Variants in PRELID2 observed in about 807,000 individuals in gnomAD.
The protein encoded by PRELID2 is PRELI domain-containing protein 2.
PRELID2 carries 25 observed loss-of-function variants against 28.4 expected under a neutral mutation model. That is an observed-to-expected ratio of 0.88 (90% CI 0.64 to 1.23). The LOEUF is 1.23. Ranked by LOEUF, PRELID2 falls within the 50% of genes most tolerant of loss-of-function variation. The pLI is 0.00. For synonymous variants in PRELID2, 76 were observed against 71.6 expected, an observed-to-expected ratio of 1.06 and a Z score of -0.31; for missense variants, 201 against 214.4, an observed-to-expected ratio of 0.94 and a Z score of 0.39.
Position 145,547,310 on chromosome 5 carries a change from A to G in PRELID2, n.71-73995T>C, listed in dbSNP as rs557433592. Among the ~76,000 whole-genome samples the G allele has an allele frequency of 3.3e-5, 5 of 152,298 alleles. No homozygotes were observed. In the South Asian group the frequency reaches 6.2e-4, roughly 19 times the overall value. On this transcript the variant is annotated intron_variant and non_coding_transcript_variant, in intron 1 of 2. Coordinates refer to the PRELID2 transcript ENST00000510259. ...ATAGATCACAAAATGTAAGATCTGA[A>G]TGTAAAATAACCAGGCTGGTCGGTG...
intron 1 of PRELID2, among the ~76,000 whole-genome samples, chr5:145,599,423 T>C (rs1561515418): frequency 6.6e-6 from 1 of 152,204 alleles, no homozygotes; most frequent in Non-Finnish European, 1.5e-5. Context: ...AGAAGACTCT[T>C]TTTCTGTTTC....
intron 1 of PRELID2, among the ~76,000 whole-genome samples, chr5:145,504,868 C>T (rs1752392142): frequency 6.6e-6 from 1 of 152,098 alleles, no homozygotes; most frequent in Non-Finnish European, 1.5e-5. Flanking sequence ...GGTGCCTACC[C>T]AGCTGAGAAC....
At chr5:145,705,494 C>T (rs1461091817) in intron 1 of PRELID2, among the ~76,000 whole-genome samples, 3 of 152,012 alleles carry the variant, frequency 2.0e-5, no homozygotes, top group Non-Finnish European at 4.4e-5. Context: ...AGCCACCTGC[C>T]CAGCTAAAAG....
chr5:145,791,259 T>C (rs1752373150), intron 5 of PRELID2, among the ~76,000 whole-genome samples: 1 of 152,030 alleles, frequency 6.6e-6, no homozygotes, highest in Admixed American at 6.6e-5. Context: ...GATTCAATTA[T>C]CTCCACCTGG....
At chr5:145,508,197 AT>A (rs1296668074) in intron 1 of PRELID2, among the ~76,000 whole-genome samples, 4 of 152,194 alleles carry the variant, frequency 2.6e-5, no homozygotes, top group African/African-American at 9.6e-5. Context: ...TAAAATGCAC[AT>A]TCACATTGGC....
chr5:145,279,486 T>C, the PRELID2 span, among the ~76,000 whole-genome samples: 30 of 152,274 alleles, frequency 2.0e-4, no homozygotes, highest in South Asian at 6.2e-3. Flanking sequence ...ACCTGTAAAA[T>C]GGCAATAATA....
chr5:145,827,290 T>C (rs767730102), intron 1 of PRELID2, among the ~76,000 whole-genome samples: 6 of 152,162 alleles, frequency 3.9e-5, no homozygotes, highest in African/African-American at 1.4e-4. Context: ...CCATAGTCTA[T>C]CTCAGAAGAA....
chr5:145,631,040 A>C (rs1341358549), intron 1 of PRELID2, among the ~76,000 whole-genome samples: 1 of 152,208 alleles, frequency 6.6e-6, no homozygotes, highest in Non-Finnish European at 1.5e-5. Flanking sequence ...CTGGTTTCAA[A>C]GGATCATGGA....
At chr5:145,400,032 C>G in the PRELID2 span, among the ~76,000 whole-genome samples, 2 of 152,132 alleles carry the variant, frequency 1.3e-5, no homozygotes, top group Non-Finnish European at 2.9e-5. Flanking sequence ...TATCTCCACA[C>G]CCTCACACTG....
intron 1 of PRELID2, among the ~76,000 whole-genome samples, chr5:145,627,042 A>G (rs771380243): frequency 9.1e-4 from 127 of 139,994 alleles, no homozygotes; most frequent in Non-Finnish European, 1.4e-3. Flanking sequence ...AGAGGTTGCA[A>G]TAAGCTGAGA....
At chr5:145,552,964 C>T (rs1752849967) in intron 1 of PRELID2, among the ~76,000 whole-genome samples, 1 of 152,068 alleles carries the variant, frequency 6.6e-6, no homozygotes, top group Non-Finnish European at 1.5e-5. Context: ...TTTGGATTAG[C>T]CAATAATAAT....
At chr5:145,241,906 T>C in the PRELID2 span, among the ~76,000 whole-genome samples, 1 of 152,002 alleles carries the variant, frequency 6.6e-6, no homozygotes, top group East Asian at 1.9e-4. Flanking sequence ...GAAACATTCT[T>C]TGGGAAAAAG....
chr5:145,817,421 T>TTATATATATATATATTTATA lies in PRELID2; in HGVS notation c.368+472_368+473insTATAAATATATATATATATA, dbSNP rs1554099438. On this transcript the variant is annotated intron_variant, in intron 4 of 6. Transcript: ENST00000683046. ...TATGCAATAAAGGAATAAGCTAGTT[T>TTATATATATATATATTTATA]TATATATATATATATATATATATAT... is the stretch of plus-strand genomic sequence containing the variant. 3.1e-4 allele frequency among the ~76,000 whole-genome samples: 32 copies of TTATATATATATATATTTATA among 103,606 alleles called. No individual in the cohort carries two copies. In the Admixed American group the frequency reaches 3.3e-3, roughly 11 times the overall value. 68.0% of individuals were successfully genotyped at this position (103,606 alleles called of 152,430 possible).
chr5:145,316,547 G>A, the PRELID2 span, among the ~76,000 whole-genome samples: 1 of 152,166 alleles, frequency 6.6e-6, no homozygotes, highest in Non-Finnish European at 1.5e-5. Context: ...ACCTGATGCA[G>A]AACTACTTAA....
intron 1 of PRELID2, among the ~76,000 whole-genome samples, chr5:145,494,332 A>C (rs895900314): frequency 6.6e-6 from 1 of 152,236 alleles, no homozygotes; most frequent in Non-Finnish European, 1.5e-5. Flanking sequence ...GTGTGAAAAT[A>C]GGCACAAATC....
chr5:145,677,118 A>T (rs1754834045), intron 1 of PRELID2, among the ~76,000 whole-genome samples: 1 of 139,036 alleles, frequency 7.2e-6, no homozygotes, highest in South Asian at 2.2e-4. Context: ...TTGTATTGAG[A>T]TTATGTTTTT....
At chr5:145,729,414 G>A (rs1446780474) in intron 1 of PRELID2, 3 of 401,054 alleles carry the variant, frequency 7.5e-6, no homozygotes, top group South Asian at 7.9e-5. Context: ...GAAGCTTCAA[G>A]ATGACTTTAC....
intron 1 of PRELID2, among the ~76,000 whole-genome samples, chr5:145,556,597 C>A (rs1203686244): frequency 6.6e-6 from 1 of 152,198 alleles, no homozygotes; most frequent in East Asian, 1.9e-4. Flanking sequence ...ATCTGAAAAT[C>A]TGATCATATC....
the PRELID2 span, among the ~76,000 whole-genome samples, chr5:145,350,256 T>C: frequency 6.6e-6 from 1 of 152,190 alleles, no homozygotes; most frequent in East Asian, 1.9e-4. Flanking sequence ...ATTTATTCAA[T>C]GCCAGAAAAC....
Sources: allele counts gnomAD v4.1 joint callset (sites outside exome capture counted in the v4.1 genomes callset), GRCh38; gene constraint gnomAD v4.1.1; transcripts MANE v1.5; gene names NCBI Gene and HGNC (gene_info 2026-07-23, HGNC 2026-07-21).